PLCB1: variants seen among roughly 807,000 people sequenced by gnomAD.
The protein encoded by PLCB1 is phospholipase C beta 1.
Under a neutral mutation model 161.8 loss-of-function variants are expected in PLCB1, and 46 were observed. The ratio of observed to expected loss-of-function variants is 0.28; its 90% CI spans 0.22 to 0.36. PLCB1 has a LOEUF of 0.36. PLCB1 is among the 10% of genes least tolerant of loss of function. The pLI is 1.00. For missense variants in PLCB1, 1,016 were observed against 1,472.5 expected (o/e 0.69, Z 5.07); for synonymous variants, 517 against 503.7 (o/e 1.03, Z -0.35).
chr20:8,199,889 G>A (rs2123123840), intron 2 of PLCB1, among the ~76,000 whole-genome samples: 1 of 152,164 alleles, frequency 6.6e-6, no homozygotes, highest in South Asian at 2.1e-4. Flanking sequence ...TATTTAAGGT[G>A]TATCCTGATA....
chr20:8,202,187 A>G (rs2052099506), intron 2 of PLCB1, among the ~76,000 whole-genome samples: 1 of 152,042 alleles, frequency 6.6e-6, no homozygotes, highest in Non-Finnish European at 1.5e-5. Flanking sequence ...TGCAATTCTC[A>G]TGCCTCAGCC....
At chr20:8,180,679 G>T (rs1348245441) in intron 2 of PLCB1, among the ~76,000 whole-genome samples, 1 of 152,094 alleles carries the variant, frequency 6.6e-6, no homozygotes, top group East Asian at 1.9e-4. Context: ...AAATGTATTT[G>T]TAAATTTCCT....
At chr20:8,501,869 ATATATATATATATATATATATAT>A (rs1983429834) in intron 3 of PLCB1, among the ~76,000 whole-genome samples, 1 of 780 alleles carries the variant, frequency 1.3e-3, no homozygotes, top group Non-Finnish European at 2.4e-3. Flanking sequence ...TATCGCATAT[ATATATATATATATATATATATAT>A]ATATATATAT....
intron 3 of PLCB1, among the ~76,000 whole-genome samples, chr20:8,424,196 G>A (rs1027336701): frequency 1.3e-5 from 2 of 152,070 alleles, no homozygotes; most frequent in African/African-American, 4.8e-5. Flanking sequence ...TTTACTTCAA[G>A]GACCATGAGT....
At chr20:8,254,255 A>G (rs1177636969) in intron 2 of PLCB1, among the ~76,000 whole-genome samples, 1 of 151,928 alleles carries the variant, frequency 6.6e-6, no homozygotes, top group African/African-American at 2.4e-5. Context: ...TTATATTTAT[A>G]TTGTTTGAGG....
intron 2 of PLCB1, among the ~76,000 whole-genome samples, chr20:8,341,932 A>G (rs1446344217): frequency 6.6e-6 from 1 of 152,166 alleles, no homozygotes; most frequent in Non-Finnish European, 1.5e-5. Context: ...GCTGTAAGTA[A>G]CATAATGAGA....
intron 18 of PLCB1, among the ~76,000 whole-genome samples, chr20:8,732,707 T>TAATTTA (rs1980323396): frequency 6.9e-6 from 1 of 145,890 alleles, no homozygotes; most frequent in African/African-American, 2.5e-5. Context: ...ATATATTTAA[T>TAATTTA]ATATCATTCT....
intron 6 of PLCB1, 46 bp from the exon 7 acceptor site, chr20:8,649,328 C>A (rs767907942): frequency 8.2e-7 from 1 of 1,221,708 alleles, no homozygotes; most frequent in Admixed American, 1.7e-5. Flanking sequence ...GTGCTGTGAT[C>A]CATGTGCCAT....
At chr20:8,860,196 G>A (rs2146312202) in intron 31 of PLCB1, among the ~76,000 whole-genome samples, 1 of 152,288 alleles carries the variant, frequency 6.6e-6, no homozygotes, top group Non-Finnish European at 1.5e-5. Flanking sequence ...CCTAGTGCCA[G>A]GATATAGTAA....
intron 3 of PLCB1, among the ~76,000 whole-genome samples, chr20:8,542,029 G>C (rs1227525523): frequency 2.0e-5 from 3 of 152,116 alleles, no homozygotes; most frequent in Admixed American, 1.3e-4. Context: ...GTTTGTGCAG[G>C]GTTCTAAGAT....
chr20:8,528,381 A>G (rs568243150), intron 3 of PLCB1, among the ~76,000 whole-genome samples: 1 of 152,266 alleles, frequency 6.6e-6, no homozygotes, highest in African/African-American at 2.4e-5. Flanking sequence ...TAACATGAAT[A>G]GATCTAAAAA....
chr20:8,863,603 C>T (rs1227105098), intron 31 of PLCB1, among the ~76,000 whole-genome samples: 1 of 152,308 alleles, frequency 6.6e-6, no homozygotes, highest in African/African-American at 2.4e-5. Context: ...TTCGGGAGAC[C>T]TCAATTTGGG....
intron 2 of PLCB1, among the ~76,000 whole-genome samples, chr20:8,312,658 A>G (rs1204367959): frequency 1.3e-5 from 2 of 152,180 alleles, no homozygotes; most frequent in African/African-American, 4.8e-5. Context: ...AAGGCAAAGC[A>G]TGTTTATTTT....
At chr20:8,265,033 G>C (rs953280571) in intron 2 of PLCB1, among the ~76,000 whole-genome samples, 1 of 152,094 alleles carries the variant, frequency 6.6e-6, no homozygotes, top group Admixed American at 6.6e-5. Flanking sequence ...GAAATTACTC[G>C]TAAGTCCAGG....
At chr20:8,231,782 G>T (rs573209514) in intron 2 of PLCB1, among the ~76,000 whole-genome samples, 5 of 152,120 alleles carry the variant, frequency 3.3e-5, no homozygotes, top group Non-Finnish European at 7.4e-5. Flanking sequence ...AGTTGGTTTG[G>T]TTGGCTGATC....
chr20:8,471,651 T>C (rs1982057092), intron 3 of PLCB1, among the ~76,000 whole-genome samples: 2 of 152,180 alleles, frequency 1.3e-5, no homozygotes, highest in South Asian at 4.1e-4. Context: ...GTTTATTTTG[T>C]ATTACAGTGC....
chr20:8,685,254 A>G (rs917324497), intron 10 of PLCB1, among the ~76,000 whole-genome samples, 176 bp downstream of exon 10: 2 of 152,160 alleles, frequency 1.3e-5, no homozygotes, highest in African/African-American at 4.8e-5. Flanking sequence ...TCATGTCCAC[A>G]TGTGTATGAA....
intron 31 of PLCB1, among the ~76,000 whole-genome samples, chr20:8,805,528 C>A (rs750492222): frequency 3.3e-5 from 5 of 152,062 alleles, no homozygotes; most frequent in African/African-American, 4.8e-5. Flanking sequence ...AGTTTAAGGC[C>A]GTAGAAAGGC....
At chr20:8,625,470 T>A (rs1183198652) in intron 3 of PLCB1, among the ~76,000 whole-genome samples, 1 of 152,094 alleles carries the variant, frequency 6.6e-6, no homozygotes, top group Non-Finnish European at 1.5e-5. Flanking sequence ...TTGATAAAAA[T>A]GAAATAAATG....
Sources: allele counts gnomAD v4.1 joint callset (sites outside exome capture counted in the v4.1 genomes callset), GRCh38; gene constraint gnomAD v4.1.1; transcripts MANE v1.5; gene names NCBI Gene and HGNC (gene_info 2026-07-23, HGNC 2026-07-21).